Variants in RALGAPA1 observed in about 807,000 individuals in gnomAD.
RALGAPA1 encodes Ral GTPase activating protein catalytic subunit alpha 1, also known as ral GTPase-activating protein subunit alpha-1.
In RALGAPA1, 52 loss-of-function variants were observed where a neutral mutation model predicts 269.6. That is an observed-to-expected ratio of 0.19 (90% CI 0.15 to 0.24). The LOEUF is 0.24. Among genes scored for constraint, RALGAPA1 ranks in the 10% least tolerant of loss-of-function variants. The pLI, the probability that RALGAPA1 is intolerant of heterozygous loss-of-function variation, is 1.00. For missense variants in RALGAPA1, 1,917 were observed against 3,013.9 expected (o/e 0.64, Z 8.52); for synonymous variants, 817 against 1,008.3 (o/e 0.81, Z 3.60).
At chr14:35,647,480 T>C (rs1345920933) in intron 31 of RALGAPA1, among the ~76,000 whole-genome samples, 2 of 152,178 alleles carry the variant, frequency 1.3e-5, no homozygotes, top group East Asian at 3.8e-4. Context: ...AATAATAACA[T>C]AATTAAAATG....
In RALGAPA1 at chr14:35,779,926, A is replaced by G. The variant is rs1197923434; in HGVS notation, c.107-4181T>C. On this transcript the variant is annotated intron_variant, in intron 1 of 41. Transcript: ENST00000680220. ...ATCATGAGGTTAAGAGATTGAGACCATCCTGGCCAACATGGTGAAACCCTG... is the reference window on the plus strand; with the variant it reads ...ATCATGAGGTTAAGAGATTGAGACCGTCCTGGCCAACATGGTGAAACCCTG... Among the ~76,000 whole-genome samples the G allele has an allele frequency of 2.0e-5, 3 of 152,304 alleles. No homozygotes were observed. In the East Asian group the frequency reaches 5.8e-4, roughly 29 times the overall value.
chr14:35,767,995 G>C (rs955058095), intron 4 of RALGAPA1, among the ~76,000 whole-genome samples: 1 of 151,972 alleles, frequency 6.6e-6, no homozygotes, highest in Non-Finnish European at 1.5e-5. Context: ...GGCTGGTCTC[G>C]AACTCCCATG....
chr14:35,556,271 C>G (rs1026944127), intron 39 of RALGAPA1, among the ~76,000 whole-genome samples: 1 of 152,058 alleles, frequency 6.6e-6, no homozygotes, highest in Admixed American at 6.6e-5. Flanking sequence ...CCGAAATACA[C>G]CGGGTAATTA....
intron 17 of RALGAPA1, among the ~76,000 whole-genome samples, chr14:35,692,646 T>A (rs1045681089): frequency 2.6e-5 from 4 of 151,878 alleles, no homozygotes; most frequent in South Asian, 4.1e-4. Context: ...ACAATGTTTT[T>A]AAAAATTCTT....
At chr14:35,737,035 C>CAAAAAA (rs556177197) in intron 12 of RALGAPA1, among the ~76,000 whole-genome samples, 1 of 57,278 alleles carries the variant, frequency 1.7e-5, no homozygotes, top group Admixed American at 2.0e-4. Flanking sequence ...GGCTCCATCT[C>CAAAAAA]AAAAAAAAAA....
intron 36 of RALGAPA1, among the ~76,000 whole-genome samples, chr14:35,602,198 G>A (rs2059332959): frequency 6.6e-6 from 1 of 152,162 alleles, no homozygotes; most frequent in South Asian, 2.1e-4. Context: ...ATACACCACA[G>A]TTTAGCCATT....
chr14:35,700,147 C>T lies in RALGAPA1; in HGVS notation c.2407+15G>A. On this transcript the variant is annotated intron_variant, in intron 17 of 41. Transcript: ENST00000680220. ...GTGAAAAAGGTGGTGCAGAAATTAG[C>T]AGAGGTGGCACTACCTGAAAGCTCA... 1 of 1,511,818 alleles carries T rather than the reference C, an allele frequency of 6.6e-7. No homozygotes were observed. Among genetic ancestry groups the T allele is most frequent in the East Asian group, 2.5e-5 (1 of 40,496 alleles). The allele number at this position is 1,511,818 out of a possible 1,614,324, so 93.7% of individuals were successfully genotyped here.
rs553609626 is a variant in RALGAPA1, at chr14:35,636,452, T to C, written c.5677-854A>G. The stretch of plus-strand genomic sequence containing the variant: ...AATAAGGAACAATAAGAAGGCCCAA[T>C]AAAACCTCACAAAACAACAGCTTCC... On this transcript the variant is annotated intron_variant, in intron 31 of 41. Transcript: ENST00000680220. Among the ~76,000 whole-genome samples, 12 of 152,280 alleles carry C rather than the reference T, an allele frequency of 7.9e-5. No individual in the cohort carries two copies. The East Asian group carries it at 1.3e-3, about 17-fold the overall frequency.
At chr14:35,721,605 A>G (rs955312209) in intron 16 of RALGAPA1, 83 bp downstream of exon 16, 5 of 1,280,460 alleles carry the variant, frequency 3.9e-6, no homozygotes, top group Admixed American at 2.5e-5. Flanking sequence ...ACTGGTAAGA[A>G]AAATTTATAT....
At chr14:35,582,286 CAAAAACA>C (rs959029093) in intron 37 of RALGAPA1, among the ~76,000 whole-genome samples, 19 of 151,992 alleles carry the variant, frequency 1.3e-4, no homozygotes, top group Admixed American at 2.0e-4. Flanking sequence ...AGTTCTGGAA[CAAAAACA>C]AAAAACAAAA....
chr14:35,591,913 TA>T (rs2058663018), intron 37 of RALGAPA1, among the ~76,000 whole-genome samples: 1 of 152,184 alleles, frequency 6.6e-6, no homozygotes. Context: ...CTGATGGTTT[TA>T]AAGTGTGGCA....
intron 33 of RALGAPA1, 132 bp downstream of exon 33, chr14:35,634,442 T>A (rs1327863464): frequency 1.9e-6 from 1 of 522,324 alleles, no homozygotes; most frequent in African/African-American, 2.0e-5. Flanking sequence ...AATGAACTTG[T>A]GCTATACATA....
At chr14:35,644,919 T>C (rs1412765342) in intron 31 of RALGAPA1, among the ~76,000 whole-genome samples, 1 of 152,112 alleles carries the variant, frequency 6.6e-6, no homozygotes, top group African/African-American at 2.4e-5. Flanking sequence ...TAAAATAAAA[T>C]AAAATAAGAA....
intron 37 of RALGAPA1, among the ~76,000 whole-genome samples, chr14:35,576,589 C>T (rs982597355): frequency 5.9e-5 from 9 of 152,126 alleles, no homozygotes; most frequent in African/African-American, 2.2e-4. Context: ...TACAGACTTT[C>T]CTCCTGGTTA....
rs1019300437 is a variant in RALGAPA1, at chr14:35,652,366, A to T, written c.5608-493T>A. Among the ~76,000 whole-genome samples, 13 of 131,602 alleles carry T rather than the reference A, an allele frequency of 9.9e-5. No homozygotes were observed. In the East Asian group the frequency reaches 2.2e-3, roughly 22 times the overall value. 86.3% of individuals were successfully genotyped at this position (131,602 alleles called of 152,430 possible). On this transcript the variant is annotated intron_variant, in intron 30 of 41. Transcript: ENST00000680220. ...TATTGCCTTTCCAGGCCTTTTGTTT[A>T]TATATATATATATATATACACACAC...
At chr14:35,549,570 T>C (rs2054781486) in intron 39 of RALGAPA1, among the ~76,000 whole-genome samples, 1 of 152,120 alleles carries the variant, frequency 6.6e-6, no homozygotes, top group African/African-American at 2.4e-5. Flanking sequence ...GGCTGAAATT[T>C]ATATCGGCCT....
chr14:35,585,326 G>A (rs1027099466), intron 37 of RALGAPA1, among the ~76,000 whole-genome samples: 2 of 152,134 alleles, frequency 1.3e-5, no homozygotes, highest in African/African-American at 4.8e-5. Context: ...ATCAGTAACA[G>A]AAAGATAGTT....
intron 3 of RALGAPA1, among the ~76,000 whole-genome samples, chr14:35,773,958 C>T (rs1486266477): frequency 6.6e-6 from 1 of 151,998 alleles, no homozygotes; most frequent in Non-Finnish European, 1.5e-5. Flanking sequence ...CACTCTCTTG[C>T]CCAAGAGTGC....
chr14:35,697,435 T>C (rs2066992107), intron 17 of RALGAPA1, among the ~76,000 whole-genome samples: 1 of 151,942 alleles, frequency 6.6e-6, no homozygotes, highest in Non-Finnish European at 1.5e-5. Context: ...AAGCTCCACC[T>C]CCTGGGTTCA....
Sources: allele counts gnomAD v4.1 joint callset (sites outside exome capture counted in the v4.1 genomes callset), GRCh38; gene constraint gnomAD v4.1.1; transcripts MANE v1.5; gene names NCBI Gene and HGNC (gene_info 2026-07-23, HGNC 2026-07-21).